PCDH10: variants seen among roughly 807,000 people sequenced by gnomAD.
PCDH10 encodes protocadherin-10.
PCDH10 carries 15 observed loss-of-function variants against 74.4 expected under a neutral mutation model. The observed-to-expected ratio is 0.20, with a 90% CI of 0.13 to 0.31. The LOEUF (loss-of-function observed/expected upper bound fraction) is 0.31, where lower values mean the gene tolerates loss of function less well. PCDH10 is among the 10% of genes least tolerant of loss of function. The pLI, the probability that PCDH10 is intolerant of heterozygous loss-of-function variation, is 1.00. For synonymous variants in PCDH10, 619 were observed against 589.8 expected, an observed-to-expected ratio of 1.05 and a Z score of -0.72; for missense variants, 1,260 against 1,390.2, an observed-to-expected ratio of 0.91 and a Z score of 1.49.
chr4:133,191,890 A>G lies in PCDH10; in HGVS notation c.*1730A>G, dbSNP rs1278563889. Reference sequence around the variant, plus strand: ...AATAGACTAAAACTTAACATTTGACAAATGTTCTTCATCAAATTTTATGTA... The same window carrying G: ...AATAGACTAAAACTTAACATTTGACGAATGTTCTTCATCAAATTTTATGTA... On this transcript the variant is annotated 3_prime_UTR_variant, in exon 5 of 5. Transcript: ENST00000264360. The G allele has an allele frequency of 6.6e-6, 1 of 151,434 alleles. No homozygotes were observed. The highest frequency in any genetic ancestry group is 6.6e-5 in the Admixed American group (1 of 15,126). The allele number at this position is 151,434 out of a possible 1,614,324, so 9.4% of individuals were successfully genotyped here. A position where few individuals can be genotyped will look rare whatever the true frequency, so the allele number is the denominator to read the frequency against.
downstream of PCDH10, among the ~76,000 whole-genome samples, chr4:133,199,232 G>A (rs1231359643): frequency 6.6e-6 from 1 of 150,778 alleles, no homozygotes; most frequent in Non-Finnish European, 1.5e-5. Flanking sequence ...CGGTTGCAGT[G>A]AGCTGAGATT....
intron 2 of PCDH10, among the ~76,000 whole-genome samples, chr4:133,201,863 A>AT (rs1030278473): frequency 2.0e-5 from 3 of 151,364 alleles, no homozygotes; most frequent in Non-Finnish European, 4.4e-5. Flanking sequence ...TCTCAAAAAA[A>AT]AAAAAAAAAA....
At position 133,192,662 on chromosome 4, in the gene PCDH10, C is replaced by A. The variant is rs571599250; in HGVS notation, c.*2502C>A. 6.6e-6 allele frequency: 1 copy of A among 151,482 alleles called. No homozygotes were observed. 9.4% of individuals were successfully genotyped at this position (151,482 alleles called of 1,614,324 possible). The stretch of plus-strand genomic sequence containing the variant: ...ATCTACAAAACCAAAACCAGAACTT[C>A]TTCCTAATTTGCGGGACAAATAGAA... On this transcript the variant is annotated 3_prime_UTR_variant, in exon 5 of 5. Transcript: ENST00000264360.
At chr4:133,199,607 A>G (rs1727862067), downstream of PCDH10, among the ~76,000 whole-genome samples, 1 of 150,734 alleles carries the variant, frequency 6.6e-6, no homozygotes. Flanking sequence ...CCATGCTGCC[A>G]TTAAACAAGT....
chr4:133,204,635 G>T (rs1469152467), intron 2 of PCDH10, among the ~76,000 whole-genome samples: 6 of 152,158 alleles, frequency 3.9e-5, no homozygotes, highest in African/African-American at 7.2e-5. Context: ...TTCCAATTTG[G>T]CCTTCCCAGT....
intron 3 of PCDH10, among the ~76,000 whole-genome samples, chr4:133,160,128 T>A: frequency 6.6e-6 from 1 of 152,094 alleles, no homozygotes; most frequent in African/African-American, 2.4e-5. Context: ...ATCTGAAGTT[T>A]ATTGATTTAC....
At chr4:133,175,304 A>C (rs1050552431) in intron 4 of PCDH10, among the ~76,000 whole-genome samples, 1 of 152,060 alleles carries the variant, frequency 6.6e-6, no homozygotes, top group African/African-American at 2.4e-5. Flanking sequence ...TAAAACTGTA[A>C]AAACTTTTTA....
chr4:133,175,385 T>C (rs1727276255), intron 4 of PCDH10, among the ~76,000 whole-genome samples: 1 of 144,814 alleles, frequency 6.9e-6, no homozygotes, highest in African/African-American at 2.5e-5. Flanking sequence ...AGAAAACTCG[T>C]TGTTGGGCAC....
At chr4:133,154,713 A>G (rs565233781) in intron 2 of PCDH10, among the ~76,000 whole-genome samples, 2 of 152,338 alleles carry the variant, frequency 1.3e-5, no homozygotes, top group East Asian at 1.9e-4. Flanking sequence ...TAAACTTTAC[A>G]TGACTTAAGT....
In PCDH10 at chr4:133,150,033, A is replaced by G. The variant is rs1156447763; in HGVS notation, c.-108A>G. On this transcript the variant is annotated 5_prime_UTR_variant, in exon 1 of 5. Transcript: ENST00000264360. ...CAGAAAGCCACAGGAGCCCCCACGT[A>G]GCGCACTTTTATTTGTATTTTTTCA... 8.7e-7 allele frequency: 1 copy of G among 1,153,222 alleles called. No individual in the cohort carries two copies. Among genetic ancestry groups the G allele is most frequent in the Non-Finnish European group, 1.2e-6 (1 of 844,222 alleles). 71.4% of individuals were successfully genotyped at this position (1,153,222 alleles called of 1,614,324 possible). A position where few individuals can be genotyped will look rare whatever the true frequency, so the allele number is the denominator to read the frequency against.
At chr4:133,195,172 A>G (rs549094374), downstream of PCDH10, among the ~76,000 whole-genome samples, 6 of 152,240 alleles carry the variant, frequency 3.9e-5, no homozygotes, top group East Asian at 1.2e-3. Context: ...AATTTACCCT[A>G]TAGAAATTTA....
chr4:133,202,529 A>C (rs1344639443), intron 2 of PCDH10, among the ~76,000 whole-genome samples: 1 of 152,086 alleles, frequency 6.6e-6, no homozygotes, highest in Non-Finnish European at 1.5e-5. Context: ...TTGTGGCCCT[A>C]GTACATATAG....
chr4:133,173,864 T>C (rs1429506786), intron 4 of PCDH10, among the ~76,000 whole-genome samples: 2 of 151,770 alleles, frequency 1.3e-5, no homozygotes, highest in Non-Finnish European at 3.0e-5. Flanking sequence ...AGTATGAAAA[T>C]GTCAAATATA....
In PCDH10 at chr4:133,191,313, A is replaced by G. The variant is rs993902199; in HGVS notation, c.*1153A>G. ...TTAATTACACATGAATATAAAATCT[A>G]TAATTCTATATGAATATATAGAGAT... On this transcript the variant is annotated 3_prime_UTR_variant, in exon 5 of 5. Transcript: ENST00000264360. The G allele has an allele frequency of 2.6e-5, 4 of 152,200 alleles. No individual in the cohort carries two copies. The highest frequency in any genetic ancestry group is 1.3e-4 in the Admixed American group (2 of 15,200). 9.4% of individuals were successfully genotyped at this position (152,200 alleles called of 1,614,324 possible). A position where few individuals can be genotyped will look rare whatever the true frequency, so the allele number is the denominator to read the frequency against.
Position 133,160,094 on chromosome 4 carries a change from T to G in PCDH10, c.2798-2883T>G, listed in dbSNP as rs149619325. On this transcript the variant is annotated intron_variant, in intron 3 of 4. Coordinates refer to ENST00000264360, the MANE Select transcript of PCDH10 (RefSeq NM_032961.3). ...CTACATAACAAATGAAAAAATCAAT[T>G]TTTAATTAATTTTTCTGTTACTTAT... Among the ~76,000 whole-genome samples, 24 of 152,052 alleles carry G rather than the reference T, an allele frequency of 1.6e-4. No homozygotes were observed. The East Asian group carries it at 4.4e-3, about 28-fold the overall frequency.
chr4:133,193,437 C>G lies in PCDH10; in HGVS notation c.*3277C>G, dbSNP rs895910577. The G allele has an allele frequency of 6.6e-6, 1 of 151,324 alleles. No individual in the cohort carries two copies. The highest frequency in any genetic ancestry group is 1.5e-5 in the Non-Finnish European group (1 of 67,568). The allele number at this position is 151,324 out of a possible 1,614,324, so 9.4% of individuals were successfully genotyped here. A position where few individuals can be genotyped will look rare whatever the true frequency, so the allele number is the denominator to read the frequency against. ...ATTTGTTAATTGGATTGTAATTTGC[C>G]ATCAGATTCTCTGTATTATAGAAGC... On this transcript the variant is annotated 3_prime_UTR_variant, in exon 5 of 5. Transcript: ENST00000264360.
chr4:133,196,099 T>C (rs1727789161), downstream of PCDH10, among the ~76,000 whole-genome samples: 1 of 152,194 alleles, frequency 6.6e-6, no homozygotes, highest in South Asian at 2.1e-4. Flanking sequence ...AGCACAATTC[T>C]AACACAGACT....
intron 4 of PCDH10, among the ~76,000 whole-genome samples, chr4:133,166,810 T>C (rs1241546381): frequency 6.6e-6 from 1 of 151,478 alleles, no homozygotes. Context: ...AATCAATTCC[T>C]AAAAATTGAA....
intron 4 of PCDH10, among the ~76,000 whole-genome samples, chr4:133,184,799 T>C (rs973803388): frequency 3.5e-5 from 5 of 141,324 alleles, no homozygotes; most frequent in South Asian, 2.1e-4. Context: ...TATATATTTA[T>C]ATATATATAT....
Sources: gnomAD v4.1 joint callset for allele counts (sites outside exome capture counted in the v4.1 genomes callset) on GRCh38, gnomAD v4.1.1 for gene constraint, MANE v1.5 for transcripts, NCBI Gene and HGNC (gene_info 2026-07-23, HGNC 2026-07-21) for gene names.